PRICKLE1: variants seen among roughly 807,000 people sequenced by gnomAD.
PRICKLE1 encodes the protein prickle-like protein 1.
PRICKLE1 carries 14 observed loss-of-function variants against 70.2 expected under a neutral mutation model. That is an observed-to-expected ratio of 0.20 (90% CI 0.13 to 0.31). The LOEUF (loss-of-function observed/expected upper bound fraction) is 0.31. Ranked by LOEUF, PRICKLE1 falls within the 10% of genes least tolerant of loss-of-function variation. The pLI, the probability that PRICKLE1 is intolerant of heterozygous loss-of-function variation, is 1.00. For synonymous variants in PRICKLE1, 357 were observed against 379.9 expected, an observed-to-expected ratio of 0.94 and a Z score of 0.70; for missense variants, 821 against 1,026.2, an observed-to-expected ratio of 0.80 and a Z score of 2.73.
At chr12:42,523,701 A>G (rs990469107) in intron 1 of PRICKLE1, among the ~76,000 whole-genome samples, 1 of 152,242 alleles carries the variant, frequency 6.6e-6, no homozygotes, top group African/African-American at 2.4e-5. Flanking sequence ...AAATGCAGCT[A>G]TAAACACAGT....
intron 1 of PRICKLE1, among the ~76,000 whole-genome samples, chr12:42,583,078 C>G (rs1034348404): frequency 6.6e-6 from 1 of 151,634 alleles, no homozygotes; most frequent in African/African-American, 2.4e-5. Context: ...ATAAAAGAAA[C>G]CAAAGAATTA....
At chr12:42,525,995 T>A (rs1169587671) in intron 1 of PRICKLE1, among the ~76,000 whole-genome samples, 1 of 152,220 alleles carries the variant, frequency 6.6e-6, no homozygotes, top group African/African-American at 2.4e-5. Context: ...GCATTTGAGC[T>A]GTCTTCTGTT....
chr12:42,529,001 A>G (rs1939861904), intron 1 of PRICKLE1, among the ~76,000 whole-genome samples: 1 of 152,220 alleles, frequency 6.6e-6, no homozygotes, highest in Non-Finnish European at 1.5e-5. Context: ...TCCCTTGAAA[A>G]TGGCCCCTGT....
chr12:42,589,330 AC>A lies in PRICKLE1; in HGVS notation c.-49+134del, dbSNP rs753752348. Reference sequence around the variant, plus strand: ...GACCTTCTCCCTGATCTTCTGCGACACCGACCCAGTCTGGGTGTCACAGACT... The same window carrying A: ...GACCTTCTCCCTGATCTTCTGCGACACGACCCAGTCTGGGTGTCACAGACT... On this transcript the variant is annotated intron_variant, in intron 1 of 7. Transcript: ENST00000345127. The surrounding 1 kb of genome is among the most constrained non-coding windows in gnomAD (Gnocchi z 5.0). The A allele has an allele frequency of 6.6e-6, 1 of 152,240 alleles. No homozygotes were observed. The highest frequency in any genetic ancestry group is 1.5e-5 in the Non-Finnish European group (1 of 68,128). The allele number at this position is 152,240 out of a possible 1,614,324, so 9.4% of individuals were successfully genotyped here. A position where few individuals can be genotyped will look rare whatever the true frequency, so the allele number is the denominator to read the frequency against.
chr12:42,556,442 C>T (rs758523590), intron 1 of PRICKLE1, among the ~76,000 whole-genome samples: 1 of 152,158 alleles, frequency 6.6e-6, no homozygotes, highest in Admixed American at 6.5e-5. Flanking sequence ...TAGAATCCCA[C>T]CCTGTAAGGG....
At chr12:42,525,469 G>A (rs1443908699) in intron 1 of PRICKLE1, among the ~76,000 whole-genome samples, 1 of 152,216 alleles carries the variant, frequency 6.6e-6, no homozygotes, top group South Asian at 2.1e-4. Flanking sequence ...TACTGGCCTT[G>A]AAAGTGGGGA....
chr12:42,556,385 A>T (rs968113820), intron 1 of PRICKLE1, among the ~76,000 whole-genome samples: 2 of 152,174 alleles, frequency 1.3e-5, no homozygotes, highest in Admixed American at 6.5e-5. Context: ...CATCACCACA[A>T]TAATATCTAT....
At chr12:42,562,897 T>A (rs1940541508) in intron 1 of PRICKLE1, among the ~76,000 whole-genome samples, 1 of 152,162 alleles carries the variant, frequency 6.6e-6, no homozygotes, top group African/African-American at 2.4e-5. Flanking sequence ...AAATTTAAAT[T>A]GTGATCAGGG....
At chr12:42,558,124 T>C (rs968535613) in intron 1 of PRICKLE1, among the ~76,000 whole-genome samples, 1 of 152,208 alleles carries the variant, frequency 6.6e-6, no homozygotes, top group Non-Finnish European at 1.5e-5. Flanking sequence ...TGTTTCAATA[T>C]TGTTTAACCA....
intron 1 of PRICKLE1, among the ~76,000 whole-genome samples, chr12:42,501,670 C>G (rs1219341414): frequency 1.3e-5 from 2 of 151,744 alleles, no homozygotes; most frequent in East Asian, 1.9e-4. Context: ...CTTTTTTTTC[C>G]CCCATACAGT....
chr12:42,555,261 G>A (rs866665683), intron 1 of PRICKLE1, among the ~76,000 whole-genome samples: 6 of 152,078 alleles, frequency 3.9e-5, no homozygotes, highest in Middle Eastern at 3.2e-3. Context: ...TCGAGATCAC[G>A]CCATTGCACT....
chr12:42,466,229 T>C lies in PRICKLE1; in HGVS notation c.740A>G (p.Tyr247Cys), dbSNP rs1938090330. The change falls in exon 6 of 8, where the codon TAT (tyrosine) becomes TGT (cysteine). Residue 247 changes from tyrosine (Y) to cysteine (C), a missense_variant. Tyr to Cys is a radical substitution (Grantham distance 194). Coordinates refer to ENST00000345127, the MANE Select transcript of PRICKLE1 (RefSeq NM_153026.3). Reference protein sequence around the residue: ...PFCCGCFESLYAEYCETCGEH... With the variant: ...PFCCGCFESLCAEYCETCGEH... ...CCCACAGGTTTCACAGTACTCCGCA[T>C]AGAGAGACTCAAAACAGCCACAGCA... 1 of 1,614,186 alleles carries C rather than the reference T, an allele frequency of 6.2e-7. No individual in the cohort carries two copies.
chr12:42,527,956 T>C (rs1473552061), intron 1 of PRICKLE1, among the ~76,000 whole-genome samples: 1,527 of 19,142 alleles, frequency 0.08, 84 homozygotes, highest in African/African-American at 0.14. Flanking sequence ...TATATATATA[T>C]ATATATATAT....
intron 1 of PRICKLE1, among the ~76,000 whole-genome samples, chr12:42,572,469 A>AAATT (rs1272000440): frequency 5.5e-5 from 8 of 146,598 alleles, no homozygotes; most frequent in Admixed American, 1.3e-4. Context: ...ATAAATAAAT[A>AAATT]AATTAAAAAT....
At chr12:42,473,503 C>T (rs184231763) in intron 1 of PRICKLE1, among the ~76,000 whole-genome samples, 1 of 152,292 alleles carries the variant, frequency 6.6e-6, no homozygotes, top group East Asian at 1.9e-4. Flanking sequence ...CATTTATGTT[C>T]TTTGTATCTT....
chr12:42,525,356 C>T (rs1231709171), intron 1 of PRICKLE1, among the ~76,000 whole-genome samples: 2 of 152,082 alleles, frequency 1.3e-5, no homozygotes, highest in Non-Finnish European at 2.9e-5. Context: ...CTGAGTTCTG[C>T]GAGCCAGTAC....
At chr12:42,532,572 T>C (rs942591697) in intron 1 of PRICKLE1, among the ~76,000 whole-genome samples, 1 of 152,206 alleles carries the variant, frequency 6.6e-6, no homozygotes, top group Non-Finnish European at 1.5e-5. Flanking sequence ...ATATAAAAAT[T>C]AGTAATGAGA....
intron 1 of PRICKLE1, among the ~76,000 whole-genome samples, chr12:42,563,211 C>T (rs1158511864): frequency 6.6e-6 from 1 of 151,360 alleles, no homozygotes; most frequent in Admixed American, 6.6e-5. Flanking sequence ...TTGAACAGGA[C>T]AATTTTATGG....
intron 1 of PRICKLE1, among the ~76,000 whole-genome samples, chr12:42,562,152 C>T (rs35672994): frequency 0.27 from 41,078 of 151,904 alleles, 6,661 homozygotes; most frequent in Admixed American, 0.42. Context: ...TCAGGTGATC[C>T]GCTCGCCTTG....
Sources: gnomAD v4.1 joint callset for allele counts (sites outside exome capture counted in the v4.1 genomes callset) on GRCh38, gnomAD v4.1.1 for gene constraint, Gnocchi (gnomAD v3.1) non-coding constraint, MANE v1.5 for transcripts, NCBI Gene and HGNC (gene_info 2026-07-23, HGNC 2026-07-21) for gene names.